NEGR1: variants seen among roughly 807,000 people sequenced by gnomAD.
NEGR1 encodes the protein neuronal growth regulator 1.
Under a neutral mutation model 40.9 loss-of-function variants are expected in NEGR1, and 10 were observed. The observed-to-expected ratio is 0.24, with a 90% confidence interval of 0.15 to 0.42. The LOEUF (loss-of-function observed/expected upper bound fraction) is 0.42, where lower values mean the gene tolerates loss of function less well. Among genes scored for constraint, NEGR1 ranks in the 10% least tolerant of loss-of-function variants. NEGR1 has a pLI of 1.00. For missense variants in NEGR1, 352 were observed against 438.9 expected, an observed-to-expected ratio of 0.80 and a Z score of 1.77; for synonymous variants, 185 against 166.8, an observed-to-expected ratio of 1.11 and a Z score of -0.84.
chr1:71,996,455 C>G (rs1473664261), intron 1 of NEGR1, among the ~76,000 whole-genome samples: 3 of 152,116 alleles, frequency 2.0e-5, no homozygotes, highest in African/African-American at 7.2e-5. Context: ...AGGACCTAAT[C>G]AGTTCCATCA....
chr1:71,468,311 C>T (rs1569909521), intron 6 of NEGR1: 1 of 151,854 alleles, frequency 6.6e-6, no homozygotes, highest in African/African-American at 2.4e-5. Flanking sequence ...GATGAATCCA[C>T]CAGTAAAAGT....
intron 6 of NEGR1, among the ~76,000 whole-genome samples, chr1:71,416,327 T>C (rs760424142): frequency 2.0e-5 from 3 of 152,192 alleles, no homozygotes; most frequent in African/African-American, 7.2e-5. Flanking sequence ...TCTTTGTATC[T>C]TTTGTGTTAG....
intron 4 of NEGR1, among the ~76,000 whole-genome samples, chr1:71,617,002 C>T (rs1216497894): frequency 6.6e-6 from 1 of 152,198 alleles, no homozygotes; most frequent in African/African-American, 2.4e-5. Context: ...TTCAAAACTG[C>T]TGTACCACAT....
chr1:71,435,995 T>C (rs191688688), intron 6 of NEGR1, among the ~76,000 whole-genome samples: 172 of 152,242 alleles, frequency 1.1e-3, no homozygotes, highest in Non-Finnish European at 2.0e-3. Flanking sequence ...CAGTACTCTA[T>C]GTAAAGGATT....
chr1:71,879,216 A>G (rs554274882), intron 2 of NEGR1, among the ~76,000 whole-genome samples: 78 of 152,216 alleles, frequency 5.1e-4, no homozygotes, highest in Middle Eastern at 3.4e-3. Flanking sequence ...AAATGTGTAA[A>G]GGATCATGCA....
chr1:72,056,131 C>T (rs1246869276), intron 1 of NEGR1, among the ~76,000 whole-genome samples: 2 of 151,088 alleles, frequency 1.3e-5, no homozygotes, highest in Non-Finnish European at 3.0e-5. Context: ...CTCACAGTTC[C>T]AGAAAGTGTA....
intron 5 of NEGR1, among the ~76,000 whole-genome samples, chr1:71,600,782 G>A (rs1334160408): frequency 6.6e-6 from 1 of 152,146 alleles, no homozygotes; most frequent in South Asian, 2.1e-4. Context: ...AAGAAACACC[G>A]ACAGGCTTCA....
At chr1:71,923,623 C>T (rs1645740946) in intron 2 of NEGR1, among the ~76,000 whole-genome samples, 1 of 152,142 alleles carries the variant, frequency 6.6e-6, no homozygotes, top group African/African-American at 2.4e-5. Context: ...CTCAGCTATA[C>T]TCGAGGTGTT....
chr1:71,705,464 A>G (rs1489887235), intron 3 of NEGR1, among the ~76,000 whole-genome samples: 1 of 152,256 alleles, frequency 6.6e-6, no homozygotes, highest in African/African-American at 2.4e-5. Flanking sequence ...ATTACATAAA[A>G]GGAAGGAAAC....
intron 2 of NEGR1, among the ~76,000 whole-genome samples, chr1:71,902,574 C>T (rs2101864840): frequency 6.6e-6 from 1 of 152,220 alleles, no homozygotes; most frequent in African/African-American, 2.4e-5. Context: ...GACTTCGGCG[C>T]CATTTAGTAT....
chr1:72,275,731 G>A (rs1048300952), intron 1 of NEGR1, among the ~76,000 whole-genome samples: 1 of 152,094 alleles, frequency 6.6e-6, no homozygotes, highest in African/African-American at 2.4e-5. Context: ...ATTTATATAT[G>A]AGCCAGACAC....
intron 1 of NEGR1, among the ~76,000 whole-genome samples, chr1:72,105,606 A>G (rs1261748755): frequency 6.6e-6 from 1 of 152,086 alleles, no homozygotes; most frequent in Non-Finnish European, 1.5e-5. Context: ...ACTGACAGAA[A>G]AACAAAAACA....
intron 6 of NEGR1, among the ~76,000 whole-genome samples, chr1:71,460,817 A>G (rs961859241): frequency 6.6e-6 from 1 of 152,222 alleles, no homozygotes; most frequent in East Asian, 1.9e-4. Context: ...AGAAAATGCC[A>G]GAAACAAATT....
chr1:71,604,766 AT>A (rs1461668927), intron 5 of NEGR1, among the ~76,000 whole-genome samples: 3 of 152,136 alleles, frequency 2.0e-5, no homozygotes, highest in African/African-American at 7.2e-5. Context: ...ATGCATGCAT[AT>A]TTTATGCACC....
At chr1:71,970,170 T>C (rs1646243512) in intron 1 of NEGR1, among the ~76,000 whole-genome samples, 1 of 151,870 alleles carries the variant, frequency 6.6e-6, no homozygotes, top group Non-Finnish European at 1.5e-5. Flanking sequence ...AGAAAGAGTG[T>C]TGTCAGCAGA....
chr1:72,039,987 G>A (rs964723212), intron 1 of NEGR1, among the ~76,000 whole-genome samples: 6 of 152,024 alleles, frequency 3.9e-5, no homozygotes, highest in Middle Eastern at 6.8e-3. Flanking sequence ...AGTATAAAAT[G>A]TACACAGCTG....
intron 1 of NEGR1, among the ~76,000 whole-genome samples, chr1:71,992,309 A>G (rs560086988): frequency 8.8e-4 from 134 of 152,336 alleles, no homozygotes; most frequent in African/African-American, 3.0e-3. Context: ...ATTTATATAC[A>G]CATTGCTACA....
chr1:71,955,893 C>A (rs1417443003), intron 1 of NEGR1, among the ~76,000 whole-genome samples: 1 of 152,198 alleles, frequency 6.6e-6, no homozygotes, highest in Non-Finnish European at 1.5e-5. Context: ...GGCTTATAAA[C>A]AAAACGTAGT....
intron 4 of NEGR1, among the ~76,000 whole-genome samples, chr1:71,696,877 G>A (rs927669890): frequency 2.6e-5 from 4 of 151,798 alleles, no homozygotes; most frequent in African/African-American, 9.7e-5. Context: ...AACACTCCAT[G>A]AGAAATCCTG....
Sources: allele counts gnomAD v4.1 joint callset (sites outside exome capture counted in the v4.1 genomes callset), GRCh38; gene constraint gnomAD v4.1.1; transcripts MANE v1.5; gene names NCBI Gene and HGNC (gene_info 2026-07-23, HGNC 2026-07-21).